Variants in CCDC69 observed in about 807,000 individuals in gnomAD.
CCDC69 encodes coiled-coil domain-containing protein 69.
Under a neutral mutation model 40.3 loss-of-function variants are expected in CCDC69, and 38 were observed. That is an observed-to-expected ratio of 0.94 (90% CI 0.73 to 1.24). The LOEUF is 1.24. Ranked by LOEUF, CCDC69 falls within the 50% of genes most tolerant of loss-of-function variation. The probability of loss-of-function intolerance (pLI) is 0.00; values close to 1 mark genes in which losing one functional copy is unlikely to be tolerated. For missense variants in CCDC69, 389 were observed against 357.9 expected (o/e 1.09, Z -0.70); for synonymous variants, 141 against 138.9 (o/e 1.02, Z -0.11).
chr5:151,205,598 C>A, intron 1 of CCDC69, 123 bp from the exon 2 acceptor site: 1 of 787,660 alleles, frequency 1.3e-6, no homozygotes, highest in Non-Finnish European at 2.1e-6. Context: ...AGACCCTGCC[C>A]CACGCCTGCG....
At chr5:151,201,775 G>A in intron 2 of CCDC69, 87 bp from the exon 3 acceptor site, 1 of 779,232 alleles carries the variant, frequency 1.3e-6, no homozygotes, top group South Asian at 1.8e-5. Context: ...TGTGGGAAAT[G>A]GGGCTAAGGG....
Position 151,185,521 on chromosome 5 carries a change from C to G in CCDC69, c.516G>C (p.Gln172His), listed in dbSNP as rs761241013. 22 of 1,613,978 alleles carry G rather than the reference C, an allele frequency of 1.4e-5. 1 individual carries two copies. In the South Asian group the frequency reaches 2.1e-4, roughly 15 times the overall value. The change falls in exon 7 of 9, where the codon CAG (glutamine) becomes CAC (histidine). Residue 172 changes from glutamine (Q) to histidine (H), a missense_variant. Gln to His is a conservative substitution (Grantham distance 24). Coordinates refer to ENST00000355417, the MANE Select transcript of CCDC69 (RefSeq NM_015621.3). ...AGCTCTCCAGCTCCTGCTCCCAGAA[C>G]TGGCTGGGGCTCCCATAATCCTAGA... ...KHIQDYGSPS[Q>H]FWEQELESLH... is the part of the protein sequence containing the mutation.
At chr5:151,196,163 T>C (rs1221373488) in intron 4 of CCDC69, among the ~76,000 whole-genome samples, 1 of 152,250 alleles carries the variant, frequency 6.6e-6, no homozygotes, top group Non-Finnish European at 1.5e-5. Context: ...TGTTTTGTTT[T>C]GTTTTTTAGA....
chr5:151,199,929 G>A (rs962440342), intron 3 of CCDC69, among the ~76,000 whole-genome samples: 1 of 152,098 alleles, frequency 6.6e-6, no homozygotes, highest in Non-Finnish European at 1.5e-5. Flanking sequence ...ATGTGTGTGG[G>A]GGCACTTGCC....
chr5:151,185,794 T>C (rs913316614), intron 6 of CCDC69, among the ~76,000 whole-genome samples: 1 of 152,268 alleles, frequency 6.6e-6, no homozygotes, highest in Non-Finnish European at 1.5e-5. Context: ...TATGTGCACC[T>C]AGTTCTCTCT....
intron 1 of CCDC69, among the ~76,000 whole-genome samples, chr5:151,209,893 A>G (rs1752905780): frequency 6.6e-6 from 1 of 152,058 alleles, no homozygotes. Context: ...ATTTCTTAAT[A>G]CTTAAATTAT....
At chr5:151,185,944 G>A (rs1752502476) in intron 6 of CCDC69, 79 bp downstream of exon 6, 1 of 924,022 alleles carries the variant, frequency 1.1e-6, no homozygotes, top group East Asian at 2.4e-5. Context: ...CCTTGAAGAG[G>A]GGCTGGTCTT....
At chr5:151,212,703 G>C (rs190515379) in intron 1 of CCDC69, 225 of 447,926 alleles carry the variant, frequency 5.0e-4, no homozygotes, top group Non-Finnish European at 7.9e-4. Context: ...AACAGAACAA[G>C]AGTTGGTCAG....
chr5:151,191,737 A>G (rs891618348), intron 4 of CCDC69, among the ~76,000 whole-genome samples: 38 of 152,178 alleles, frequency 2.5e-4, no homozygotes, highest in Non-Finnish European at 5.3e-4. Flanking sequence ...TATAGCTTAA[A>G]TGTTTATATT....
In CCDC69 at chr5:151,191,177, A is replaced by T. The variant is rs114506880; in HGVS notation, c.320-3718T>A. Reference sequence around the variant, plus strand: ...TAAATAGATGTTATAGGTAGGTAATAAGTAAAAGGGTGGAAAAAGAAACAC... The same window carrying T: ...TAAATAGATGTTATAGGTAGGTAATTAGTAAAAGGGTGGAAAAAGAAACAC... On this transcript the variant is annotated intron_variant, in intron 4 of 8. Transcript: ENST00000355417. Among the ~76,000 whole-genome samples, 1,449 of 152,310 alleles carry T rather than the reference A, an allele frequency of 9.5e-3. 23 individuals are homozygous for T. The highest frequency in any genetic ancestry group is 0.033 in the African/African-American group (1,389 of 41,562).
At chr5:151,205,052 A>T (rs985698610) in intron 2 of CCDC69, among the ~76,000 whole-genome samples, 30 of 125,968 alleles carry the variant, frequency 2.4e-4, no homozygotes, top group African/African-American at 9.0e-4. Flanking sequence ...TCTTCTTTCC[A>T]GATGAACATT....
At chr5:151,205,607 C>T (rs1439653334) in intron 1 of CCDC69, 132 bp from the exon 2 acceptor site, 21 of 732,618 alleles carry the variant, frequency 2.9e-5, no homozygotes, top group Admixed American at 5.7e-5. Context: ...CCCACGCCTG[C>T]GCATTGGGCT....
intron 4 of CCDC69, among the ~76,000 whole-genome samples, chr5:151,188,558 T>A (rs1192026414): frequency 4.7e-5 from 7 of 149,914 alleles, no homozygotes; most frequent in African/African-American, 1.5e-4. Context: ...TGAGCTGAGA[T>A]CACGCCACTG....
intron 2 of CCDC69, 92 bp downstream of exon 2, chr5:151,205,308 T>G: frequency 2.4e-5 from 24 of 1,014,948 alleles, no homozygotes; most frequent in South Asian, 3.9e-5. Flanking sequence ...TGAGATCTCA[T>G]GAGATATTTC....
intron 1 of CCDC69, chr5:151,212,644 C>T (rs1311347635): frequency 2.9e-5 from 11 of 377,830 alleles, no homozygotes; most frequent in African/African-American, 1.1e-4. Context: ...CCAAAGAAAC[C>T]GACAGGATGT....
At chr5:151,197,039 C>A (rs1752709815) in intron 4 of CCDC69, among the ~76,000 whole-genome samples, 1 of 152,200 alleles carries the variant, frequency 6.6e-6, no homozygotes, top group Non-Finnish European at 1.5e-5. Context: ...TAAAAAGAAA[C>A]AAAGTGTAGA....
intron 2 of CCDC69, among the ~76,000 whole-genome samples, chr5:151,202,188 TC>T (rs1350487112): frequency 5.7e-5 from 4 of 70,510 alleles, no homozygotes; most frequent in Non-Finnish European, 1.1e-4. Context: ...AGACCCTATC[TC>T]TAAAAAAAAA....
chr5:151,197,401 C>T (rs545163883), intron 4 of CCDC69, among the ~76,000 whole-genome samples: 28 of 152,150 alleles, frequency 1.8e-4, no homozygotes, highest in African/African-American at 5.3e-4. Context: ...TGGTGGCACG[C>T]GCCTGTAGCT....
At chr5:151,223,695 C>T (rs548626182) in intron 1 of CCDC69, among the ~76,000 whole-genome samples, 13 of 152,340 alleles carry the variant, frequency 8.5e-5, no homozygotes, top group South Asian at 2.1e-4. Context: ...GCTGCCTTTC[C>T]CTGGCCCGGG....
Sources: allele counts gnomAD v4.1 joint callset (sites outside exome capture counted in the v4.1 genomes callset), GRCh38; gene constraint gnomAD v4.1.1; transcripts MANE v1.5; gene names NCBI Gene and HGNC (gene_info 2026-07-23, HGNC 2026-07-21).